Variants in TMEM132B observed in about 807,000 individuals in gnomAD.
The protein encoded by TMEM132B is transmembrane protein 132B.
Under a neutral mutation model 90.8 loss-of-function variants are expected in TMEM132B, and 18 were observed. That is an observed-to-expected ratio of 0.20 (90% CI 0.14 to 0.29). TMEM132B has a LOEUF of 0.29. Ranked by LOEUF, TMEM132B falls within the 10% of genes least tolerant of loss-of-function variation. The pLI, the probability that TMEM132B is intolerant of heterozygous loss-of-function variation, is 1.00. For synonymous variants in TMEM132B, 504 were observed against 523.3 expected (o/e 0.96, Z 0.50); for missense variants, 1,096 against 1,326.8 (o/e 0.83, Z 2.70).
Position 125,415,044 on chromosome 12 carries a change from G to T in TMEM132B, c.960-487G>T, listed in dbSNP as rs113420485. Among the ~76,000 whole-genome samples, 509 of 152,208 alleles carry T rather than the reference G, an allele frequency of 3.3e-3. 1 individual carries two copies. Among genetic ancestry groups the T allele is most frequent in the African/African-American group, 0.012 (490 of 41,522 alleles). ...CACATTTGTTCTTCAAACACCTGAGGACTGGGTGCTCCCGTCCATTCCTGC... is the reference window on the plus strand; with the variant it reads ...CACATTTGTTCTTCAAACACCTGAGTACTGGGTGCTCCCGTCCATTCCTGC... On this transcript the variant is annotated intron_variant, in intron 2 of 8. Coordinates refer to ENST00000682704, the MANE Select transcript of TMEM132B (RefSeq NM_001366854.1). The surrounding 1 kb of genome is among the most constrained non-coding windows in gnomAD (Gnocchi z 5.3).
intron 2 of TMEM132B, among the ~76,000 whole-genome samples, chr12:125,389,057 A>ACACAC (rs1593118063): frequency 3.3e-5 from 4 of 119,552 alleles, no homozygotes; most frequent in East Asian, 2.6e-4. Context: ...CACACACACA[A>ACACAC]ACACACAAGA....
At position 125,348,994 on chromosome 12, in the gene TMEM132B, G is replaced by T. The variant is rs556553417; in HGVS notation, c.68-458G>T. Among the ~76,000 whole-genome samples, 163 of 152,288 alleles carry T rather than the reference G, an allele frequency of 1.1e-3. 1 individual carries two copies. The highest frequency in any genetic ancestry group is 3.8e-3 in the African/African-American group (160 of 41,562). On this transcript the variant is annotated intron_variant, in intron 1 of 8. Transcript: ENST00000682704. ...ATAGTAGAGATGTCATCATGTCCAC[G>T]TAGATTGTACTTATAGAAGTGATAG...
At chr12:125,381,229 T>A (rs1878670937) in intron 2 of TMEM132B, among the ~76,000 whole-genome samples, 1 of 152,106 alleles carries the variant, frequency 6.6e-6, no homozygotes, top group African/African-American at 2.4e-5. Context: ...CACTCTCCCA[T>A]AGACATCTCA....
rs1435458026 is a variant in TMEM132B at position 125,340,743 on chromosome 12, G to C, written c.68-8709G>C. 2.0e-5 allele frequency among the ~76,000 whole-genome samples: 3 copies of C among 152,300 alleles called. No homozygotes were observed. The East Asian group carries it at 5.8e-4, about 29-fold the overall frequency. ...TTGGGTTTTCTAGAATCACATTCTG[G>C]ATTTTCTTTTTCTGTTAAGCTAGAC... On this transcript the variant is annotated intron_variant, in intron 1 of 8. Transcript: ENST00000682704.
chr12:125,477,804 C>T (rs540070169), intron 3 of TMEM132B, among the ~76,000 whole-genome samples: 7 of 152,280 alleles, frequency 4.6e-5, no homozygotes, highest in African/African-American at 1.7e-4. Context: ...GGTCCCTGAC[C>T]CCCGTGTAAC....
chr12:125,449,465 T>C (rs115190013), intron 3 of TMEM132B, among the ~76,000 whole-genome samples: 1,954 of 152,358 alleles, frequency 0.013, 48 homozygotes, highest in African/African-American at 0.044. Flanking sequence ...TTCTATTTTC[T>C]GTTTTATTCT....
chr12:125,326,994 C>A (rs1876601235), intron 1 of TMEM132B, among the ~76,000 whole-genome samples: 1 of 149,428 alleles, frequency 6.7e-6, no homozygotes, highest in Non-Finnish European at 1.5e-5. Context: ...GCTTTCCCTT[C>A]TCTCTCTCTC....
intron 3 of TMEM132B, among the ~76,000 whole-genome samples, chr12:125,422,894 G>C (rs532695914): frequency 6.6e-6 from 1 of 152,326 alleles, no homozygotes; most frequent in East Asian, 1.9e-4. Flanking sequence ...ATAAGTCTCT[G>C]TTGTTTTAAG....
intron 1 of TMEM132B, among the ~76,000 whole-genome samples, chr12:125,288,642 T>C (rs1875440073): frequency 6.6e-6 from 1 of 152,100 alleles, no homozygotes; most frequent in African/African-American, 2.4e-5. Flanking sequence ...GTTACGCTTG[T>C]ATTTTTAGGT....
chr12:125,266,097 C>T lies in TMEM132B; in HGVS notation c.67+79231C>T, dbSNP rs756623088. On this transcript the variant is annotated intron_variant, in intron 1 of 8. Transcript: ENST00000682704. ...TACAAAAATTAGCCAGGTGTGGTGGCGGGCATCTGTGATCCCAGCTACTAG... is the reference window on the plus strand; with the variant it reads ...TACAAAAATTAGCCAGGTGTGGTGGTGGGCATCTGTGATCCCAGCTACTAG... 7.2e-5 allele frequency among the ~76,000 whole-genome samples: 11 copies of T among 152,096 alleles called. No homozygotes were observed. In the East Asian group the frequency reaches 7.7e-4, roughly 11 times the overall value.
chr12:125,633,425 G>T (rs575126381), intron 5 of TMEM132B, among the ~76,000 whole-genome samples: 1 of 152,260 alleles, frequency 6.6e-6, no homozygotes, highest in East Asian at 1.9e-4. Flanking sequence ...TTGGTCTCTT[G>T]TGCTTTATTT....
chr12:125,283,216 C>T (rs1875249371), intron 1 of TMEM132B, among the ~76,000 whole-genome samples: 1 of 152,130 alleles, frequency 6.6e-6, no homozygotes, highest in African/African-American at 2.4e-5. Flanking sequence ...CCAAATTGTT[C>T]TGCTTTGTGG....
chr12:125,387,064 C>T (rs996479615), intron 2 of TMEM132B, among the ~76,000 whole-genome samples: 1 of 151,638 alleles, frequency 6.6e-6, no homozygotes, highest in African/African-American at 2.4e-5. Flanking sequence ...TCTGAAGATC[C>T]CCGGCAGCAT....
intron 1 of TMEM132B, among the ~76,000 whole-genome samples, chr12:125,192,594 T>C (rs868608656): frequency 1.3e-5 from 2 of 152,186 alleles, no homozygotes; most frequent in African/African-American, 2.4e-5. Context: ...TCTCTTGCCT[T>C]GGCCTCTCAA....
intron 1 of TMEM132B, among the ~76,000 whole-genome samples, chr12:125,306,311 G>T (rs148874988): frequency 1.3e-4 from 20 of 152,318 alleles, no homozygotes; most frequent in African/African-American, 4.6e-4. Context: ...GGAGCCTCAG[G>T]TTTTAGCAGA....
intron 5 of TMEM132B, among the ~76,000 whole-genome samples, chr12:125,637,052 C>G (rs1363933187): frequency 1.3e-5 from 2 of 152,194 alleles, no homozygotes; most frequent in African/African-American, 4.8e-5. Flanking sequence ...AGAATCATGT[C>G]TTTCTCTAGA....
In TMEM132B at chr12:125,394,126, C is replaced by T. The variant is rs1319148910; in HGVS notation, c.960-21405C>T. ...GCCACAAGCCTAAAGAGAATTCAAA[C>T]AGCACCCACTAAGTGCTTAAAATTC... is the stretch of plus-strand genomic sequence containing the variant. On this transcript the variant is annotated intron_variant, in intron 2 of 8. Coordinates refer to ENST00000682704, the MANE Select transcript of TMEM132B (RefSeq NM_001366854.1). 2.6e-5 allele frequency among the ~76,000 whole-genome samples: 4 copies of T among 152,212 alleles called. No homozygotes were observed. In the East Asian group the frequency reaches 5.8e-4, roughly 22 times the overall value.
chr12:125,647,029 C>A (rs1461656586), intron 6 of TMEM132B, among the ~76,000 whole-genome samples: 1 of 152,002 alleles, frequency 6.6e-6, no homozygotes, highest in Non-Finnish European at 1.5e-5. Flanking sequence ...TAAAAAAGAA[C>A]CAGATGTAAA....
chr12:125,360,683 T>A (rs1282057102), intron 2 of TMEM132B, among the ~76,000 whole-genome samples: 1 of 152,036 alleles, frequency 6.6e-6, no homozygotes, highest in Admixed American at 6.6e-5. Context: ...GTTAAGGTCA[T>A]TAGTGCAGTC....
Sources: gnomAD v4.1 joint callset for allele counts (sites outside exome capture counted in the v4.1 genomes callset) on GRCh38, gnomAD v4.1.1 for gene constraint, Gnocchi (gnomAD v3.1) non-coding constraint, MANE v1.5 for transcripts, NCBI Gene and HGNC (gene_info 2026-07-23, HGNC 2026-07-21) for gene names.